The following LDB2 variants were observed in gnomAD, a reference collection of about 807,000 sequenced individuals.
LDB2 encodes the protein LIM domain-binding protein 2.
In LDB2, 12 loss-of-function variants were observed where a neutral mutation model predicts 44.3. The ratio of observed to expected loss-of-function variants is 0.27; its 90% CI spans 0.17 to 0.44. The LOEUF is 0.44. LDB2 is among the 20% of genes least tolerant of loss of function. The pLI, the probability that LDB2 is intolerant of heterozygous loss-of-function variation, is 1.00. For synonymous variants in LDB2, 164 were observed against 174.8 expected (o/e 0.94, Z 0.49); for missense variants, 344 against 473.5 (o/e 0.73, Z 2.54).
chr4:16,856,111 G>A (rs1025323633), intron 1 of LDB2, among the ~76,000 whole-genome samples: 2 of 152,018 alleles, frequency 1.3e-5, no homozygotes, highest in African/African-American at 4.8e-5. Flanking sequence ...ACAAATCAGC[G>A]GAGTGAATGC....
intron 2 of LDB2, among the ~76,000 whole-genome samples, chr4:16,708,458 C>A (rs973613934): frequency 3.3e-5 from 5 of 152,106 alleles, no homozygotes; most frequent in African/African-American, 1.2e-4. Flanking sequence ...ACCCATATTG[C>A]CCCTGGACAT....
intron 2 of LDB2, among the ~76,000 whole-genome samples, chr4:16,652,163 T>A (rs779976747): frequency 3.3e-5 from 5 of 152,130 alleles, no homozygotes; most frequent in Non-Finnish European, 7.4e-5. Flanking sequence ...CCCAGGCTGG[T>A]CTTGAAATCC....
chr4:16,892,052 C>T (rs149976909), intron 1 of LDB2, among the ~76,000 whole-genome samples: 60 of 152,194 alleles, frequency 3.9e-4, no homozygotes, highest in African/African-American at 1.1e-3. Context: ...TTACTTGAGC[C>T]GACATACAAA....
At position 16,765,180 on chromosome 4, in the gene LDB2, G is replaced by A. The variant is rs558264355; in HGVS notation, c.133-5920C>T. ...GCAGATATAAGAGATACAACATTTT[G>A]TGCATCTAAGCTAAAAGAGAGTCTA... On this transcript the variant is annotated intron_variant, in intron 1 of 7. Transcript: ENST00000304523. Among the ~76,000 whole-genome samples the A allele has an allele frequency of 6.6e-5, 10 of 152,300 alleles. No homozygotes were observed. In the East Asian group the frequency reaches 1.7e-3, roughly 26 times the overall value.
chr4:16,766,395 C>T (rs1769210234), intron 1 of LDB2, among the ~76,000 whole-genome samples: 1 of 144,690 alleles, frequency 6.9e-6, no homozygotes, highest in African/African-American at 2.6e-5. Context: ...TATATGTGTG[C>T]ATTTATATAT....
chr4:16,731,623 A>G (rs779375393), intron 2 of LDB2, among the ~76,000 whole-genome samples: 7 of 152,216 alleles, frequency 4.6e-5, no homozygotes, highest in African/African-American at 9.6e-5. Flanking sequence ...CAGAATTTTG[A>G]TCTTGACTTT....
At position 16,807,397 on chromosome 4, in the gene LDB2, G is replaced by T. The variant is rs554341054; in HGVS notation, c.133-48137C>A. On this transcript the variant is annotated intron_variant, in intron 1 of 7. Coordinates refer to ENST00000304523, the MANE Select transcript of LDB2 (RefSeq NM_001290.5). ...ATGCTAAAAATAGCCTATAAACAAG[G>T]ATGGAATACAATGAAAAACCTGTGT... Among the ~76,000 whole-genome samples the T allele has an allele frequency of 5.6e-4, 85 of 152,258 alleles. 1 individual carries two copies. The South Asian group carries it at 0.017, about 31-fold the overall frequency.
At chr4:16,814,332 A>G (rs1780513761) in intron 1 of LDB2, among the ~76,000 whole-genome samples, 1 of 152,186 alleles carries the variant, frequency 6.6e-6, no homozygotes, top group African/African-American at 2.4e-5. Flanking sequence ...CAATAGCAGA[A>G]CCTAGATTCA....
chr4:16,766,384 A>G (rs1292568525), intron 1 of LDB2, among the ~76,000 whole-genome samples: 1 of 151,506 alleles, frequency 6.6e-6, no homozygotes, highest in African/African-American at 2.4e-5. Context: ...ATATACACAT[A>G]TATATGTGTG....
At chr4:16,522,398 A>G (rs1307315430) in intron 5 of LDB2, among the ~76,000 whole-genome samples, 1 of 150,742 alleles carries the variant, frequency 6.6e-6, no homozygotes, top group Non-Finnish European at 1.5e-5. Flanking sequence ...GGTTGTGTCA[A>G]TACTGAATAT....
intron 5 of LDB2, among the ~76,000 whole-genome samples, chr4:16,565,792 G>A (rs1744297166): frequency 6.6e-6 from 1 of 151,662 alleles, no homozygotes; most frequent in Non-Finnish European, 1.5e-5. Flanking sequence ...AAGGTGTCTG[G>A]GAATAAAATT....
intron 1 of LDB2, among the ~76,000 whole-genome samples, chr4:16,795,041 G>C (rs1462941057): frequency 6.6e-6 from 1 of 152,226 alleles, no homozygotes; most frequent in Non-Finnish European, 1.5e-5. Flanking sequence ...GGCCAGTAGA[G>C]GGCGCTAGGA....
intron 1 of LDB2, among the ~76,000 whole-genome samples, chr4:16,815,619 AC>A (rs1228645628): frequency 6.6e-6 from 1 of 151,972 alleles, no homozygotes; most frequent in African/African-American, 2.4e-5. Context: ...TCCTCTTCCT[AC>A]CTACAGAACC....
At chr4:16,677,447 G>T (rs1267114594) in intron 2 of LDB2, among the ~76,000 whole-genome samples, 1 of 152,196 alleles carries the variant, frequency 6.6e-6, no homozygotes, top group African/African-American at 2.4e-5. Context: ...TGACTGGATT[G>T]GGCGGGAAAG....
intron 3 of LDB2, among the ~76,000 whole-genome samples, chr4:16,593,586 C>T (rs1719867776): frequency 6.6e-6 from 1 of 152,126 alleles, no homozygotes; most frequent in Admixed American, 6.5e-5. Flanking sequence ...AAACTGAGCT[C>T]CATTTCCCAG....
At chr4:16,604,596 C>G (rs994333134) in intron 2 of LDB2, among the ~76,000 whole-genome samples, 3 of 151,066 alleles carry the variant, frequency 2.0e-5, no homozygotes, top group Non-Finnish European at 4.4e-5. Context: ...AGCGAGCATT[C>G]TTTTTTCTCC....
intron 2 of LDB2, among the ~76,000 whole-genome samples, chr4:16,602,291 A>C (rs1722780371): frequency 6.6e-6 from 1 of 152,180 alleles, no homozygotes; most frequent in Non-Finnish European, 1.5e-5. Context: ...AAAAGTGATG[A>C]TGGAGGTGAG....
intron 1 of LDB2, among the ~76,000 whole-genome samples, chr4:16,800,938 G>A (rs896857513): frequency 2.6e-5 from 4 of 152,198 alleles, no homozygotes; most frequent in African/African-American, 2.4e-5. Context: ...GCCTCCCAGC[G>A]TGGTGGGATT....
chr4:16,741,160 T>C (rs1361976534), intron 2 of LDB2, among the ~76,000 whole-genome samples: 1 of 152,262 alleles, frequency 6.6e-6, no homozygotes, highest in African/African-American at 2.4e-5. Context: ...CTGCCTGTCA[T>C]TCTGGGGCAG....
Sources: gnomAD v4.1 joint callset for allele counts (sites outside exome capture counted in the v4.1 genomes callset) on GRCh38, gnomAD v4.1.1 for gene constraint, MANE v1.5 for transcripts, NCBI Gene and HGNC (gene_info 2026-07-23, HGNC 2026-07-21) for gene names.